FOXN3: variants seen among roughly 807,000 people sequenced by gnomAD.
The protein encoded by FOXN3 is forkhead box protein N3.
Under a neutral mutation model 38.4 loss-of-function variants are expected in FOXN3, and 7 were observed. The observed-to-expected ratio is 0.18, with a 90% CI of 0.10 to 0.34. FOXN3 has a LOEUF of 0.34. Among genes scored for constraint, FOXN3 ranks in the 10% least tolerant of loss-of-function variants. The pLI is 1.00. For synonymous variants in FOXN3, 230 were observed against 242.2 expected (o/e 0.95, Z 0.47); for missense variants, 456 against 613.4 (o/e 0.74, Z 2.71).
chr14:89,543,906 G>A (rs1170197734), intron 1 of FOXN3, among the ~76,000 whole-genome samples: 2 of 152,010 alleles, frequency 1.3e-5, no homozygotes, highest in Non-Finnish European at 2.9e-5. Flanking sequence ...AAACCAATGG[G>A]GGTGGGGGGG....
chr14:89,431,281 ACTT>A (rs1892150856), intron 1 of FOXN3, among the ~76,000 whole-genome samples: 1 of 152,060 alleles, frequency 6.6e-6, no homozygotes, highest in Admixed American at 6.5e-5. Flanking sequence ...GCTCACTGCA[ACTT>A]CTTCAGCTTC....
intron 1 of FOXN3, among the ~76,000 whole-genome samples, chr14:89,425,929 C>A (rs1271825044): frequency 6.6e-6 from 1 of 152,052 alleles, no homozygotes; most frequent in African/African-American, 2.4e-5. Context: ...ACGAACTGTG[C>A]CAGAATGACG....
chr14:89,465,268 T>A, intron 1 of FOXN3, among the ~76,000 whole-genome samples: 1 of 152,164 alleles, frequency 6.6e-6, no homozygotes, highest in Non-Finnish European at 1.5e-5. Flanking sequence ...TCTTGCTCTG[T>A]TGCCAGGCTG....
At chr14:89,373,987 CA>C (rs759724851) in intron 2 of FOXN3, among the ~76,000 whole-genome samples, 5 of 152,002 alleles carry the variant, frequency 3.3e-5, no homozygotes, top group Non-Finnish European at 7.4e-5. Flanking sequence ...AAACTAGGGC[CA>C]GGGGTGGTGG....
chr14:89,519,989 G>A (rs1894285160), intron 1 of FOXN3, among the ~76,000 whole-genome samples: 1 of 151,352 alleles, frequency 6.6e-6, no homozygotes, highest in African/African-American at 2.4e-5. Flanking sequence ...GAAATGTCTG[G>A]GTTTTTCTTT....
chr14:89,207,195 G>C (rs1209192000), intron 4 of FOXN3, among the ~76,000 whole-genome samples: 1 of 151,924 alleles, frequency 6.6e-6, no homozygotes, highest in African/African-American at 2.4e-5. Flanking sequence ...ACTCCAGCCT[G>C]GGCAAAAAGA....
intron 1 of FOXN3, among the ~76,000 whole-genome samples, chr14:89,563,276 T>C (rs1488558824): frequency 6.6e-6 from 1 of 152,230 alleles, no homozygotes; most frequent in Non-Finnish European, 1.5e-5. Flanking sequence ...AAAGGCACGT[T>C]AAATAACAAA....
chr14:89,490,463 G>A (rs1260033875), intron 1 of FOXN3, among the ~76,000 whole-genome samples: 2 of 152,200 alleles, frequency 1.3e-5, no homozygotes, highest in African/African-American at 4.8e-5. Flanking sequence ...GGAGCATGTG[G>A]AGGTATTGTC....
At chr14:89,354,990 G>GTATA (rs1435190798) in intron 2 of FOXN3, 1 of 151,544 alleles carries the variant, frequency 6.6e-6, no homozygotes, top group African/African-American at 2.4e-5. Flanking sequence ...ATTTTTGTGT[G>GTATA]TATATATACA....
intron 1 of FOXN3, among the ~76,000 whole-genome samples, chr14:89,450,246 T>G (rs1006402110): frequency 2.6e-5 from 4 of 151,868 alleles, no homozygotes; most frequent in African/African-American, 9.7e-5. Flanking sequence ...AATCTCTGTC[T>G]CCTCTTCTAT....
intron 1 of FOXN3, among the ~76,000 whole-genome samples, chr14:89,472,583 T>A (rs1446939292): frequency 2.6e-5 from 4 of 151,744 alleles, no homozygotes; most frequent in South Asian, 2.1e-4. Flanking sequence ...TAGCTGGGCG[T>A]GGTGGCGGAC....
chr14:89,434,717 TC>T (rs1472516148), intron 1 of FOXN3, among the ~76,000 whole-genome samples: 1 of 152,080 alleles, frequency 6.6e-6, no homozygotes, highest in Non-Finnish European at 1.5e-5. Flanking sequence ...TATTGCCTGC[TC>T]CCAAACCACC....
rs2140102756 is a variant in FOXN3, at chr14:89,417,092, G to A, written c.-236C>T. Reference sequence around the variant, plus strand: ...GCATGGGACCTGCGGCGTCCGCCGGGCGCGCCGCGCGTCCTCCCGCCGGCC... The same window carrying A: ...GCATGGGACCTGCGGCGTCCGCCGGACGCGCCGCGCGTCCTCCCGCCGGCC... On this transcript the variant is annotated 5_prime_UTR_variant, in exon 1 of 6. Coordinates refer to ENST00000557258, the MANE Select transcript of FOXN3 (RefSeq NM_005197.4). The A allele has an allele frequency of 6.9e-6, 1 of 144,248 alleles. No individual in the cohort carries two copies. The highest frequency in any genetic ancestry group is 2.5e-5 in the African/African-American group (1 of 40,310). 8.9% of individuals were successfully genotyped at this position (144,248 alleles called of 1,614,324 possible). A position where few individuals can be genotyped will look rare whatever the true frequency, so the allele number is the denominator to read the frequency against.
chr14:89,401,783 T>A, intron 2 of FOXN3: 3 of 394,914 alleles, frequency 7.6e-6, no homozygotes, highest in Non-Finnish European at 1.5e-5. Flanking sequence ...CACAGCCTTC[T>A]ATGAAGCACT....
At chr14:89,273,971 G>A (rs1466985319) in intron 4 of FOXN3, among the ~76,000 whole-genome samples, 1 of 152,184 alleles carries the variant, frequency 6.6e-6, no homozygotes, top group Non-Finnish European at 1.5e-5. Context: ...TTTTTTTAAT[G>A]TGTATGCCTG....
chr14:89,384,974 T>C (rs943405516), intron 2 of FOXN3, among the ~76,000 whole-genome samples: 1 of 152,198 alleles, frequency 6.6e-6, no homozygotes, highest in Non-Finnish European at 1.5e-5. Context: ...AACTTGCACC[T>C]GGAGATTATG....
chr14:89,446,623 T>C (rs1035516805), intron 1 of FOXN3, among the ~76,000 whole-genome samples: 1 of 152,256 alleles, frequency 6.6e-6, no homozygotes, highest in African/African-American at 2.4e-5. Flanking sequence ...TTTTTCTACT[T>C]CATATTGTAT....
intron 4 of FOXN3, among the ~76,000 whole-genome samples, chr14:89,233,285 C>T (rs568476405): frequency 1.3e-5 from 2 of 152,208 alleles, no homozygotes; most frequent in Non-Finnish European, 2.9e-5. Flanking sequence ...AGTTGCTCTA[C>T]TTCACCCTGC....
At chr14:89,513,163 AAAAAAAGAAAAAG>A (rs1566682091) in intron 1 of FOXN3, among the ~76,000 whole-genome samples, 1 of 150,898 alleles carries the variant, frequency 6.6e-6, no homozygotes, top group Non-Finnish European at 1.5e-5. Context: ...AAAAAAAAAA[AAAAAAAGAAAAAG>A]AAAGAAAGAA....
Sources: allele counts gnomAD v4.1 joint callset (sites outside exome capture counted in the v4.1 genomes callset), GRCh38; gene constraint gnomAD v4.1.1; transcripts MANE v1.5; gene names NCBI Gene and HGNC (gene_info 2026-07-23, HGNC 2026-07-21).